The following TNR variants were observed in gnomAD, a reference collection of about 807,000 sequenced individuals.
The protein encoded by TNR is tenascin R.
Under a neutral mutation model 150.4 loss-of-function variants are expected in TNR, and 45 were observed. The ratio of observed to expected loss-of-function variants is 0.30; its 90% CI spans 0.24 to 0.38. The LOEUF is 0.38. Ranked by LOEUF, TNR falls within the 10% of genes least tolerant of loss-of-function variation. TNR has a pLI of 1.00. For missense variants in TNR, 1,544 were observed against 1,759.1 expected (o/e 0.88, Z 2.19); for synonymous variants, 687 against 678.4 (o/e 1.01, Z -0.20).
intron 12 of TNR, among the ~76,000 whole-genome samples, 153 bp from the exon 13 acceptor site, chr1:175,363,980 G>A (rs868380116): frequency 9.2e-5 from 14 of 152,150 alleles, no homozygotes; most frequent in African/African-American, 2.7e-4. Flanking sequence ...CCATGGTCAC[G>A]CTGATGTTTC....
rs755976915 is a variant in TNR, at chr1:175,330,098, T to G, written c.3769A>C (p.Ile1257Leu). 26 of 1,602,324 alleles carry G rather than the reference T, an allele frequency of 1.6e-5. No homozygotes were observed. The East Asian group carries it at 5.8e-4, about 36-fold the overall frequency. ...EDSRNLYKLR[I>L]GSYNGTAGDS... ...CCCGCAGTGCCGTTGTAGCTTCCTA[T>G]GCGGAGTTTGTACAGGTTTCTGCTG... Residue 1257 changes from isoleucine to leucine, a missense_variant, in exon 21 of 23, where the codon ATA becomes CTA. Coordinates refer to ENST00000367674, the MANE Select transcript of TNR (RefSeq NM_003285.3).
At chr1:175,530,776 A>G (rs1219924428) in intron 1 of TNR, among the ~76,000 whole-genome samples, 4 of 150,882 alleles carry the variant, frequency 2.7e-5, no homozygotes, top group Non-Finnish European at 5.9e-5. Flanking sequence ...TCCCTGAACT[A>G]TCCACATTAC....
At chr1:175,603,446 A>T (rs1305393302) in intron 1 of TNR, among the ~76,000 whole-genome samples, 1 of 152,230 alleles carries the variant, frequency 6.6e-6, no homozygotes, top group African/African-American at 2.4e-5. Flanking sequence ...TTGCGAGGGG[A>T]CTAATCCTTC....
Position 175,726,160 on chromosome 1 carries a change from A to C in TNR, c.-165+17066T>G, listed in dbSNP as rs147854779. 8.5e-5 allele frequency among the ~76,000 whole-genome samples: 13 copies of C among 152,324 alleles called. No homozygotes were observed. The East Asian group carries it at 2.5e-3, about 29-fold the overall frequency. ...GTTATTAGTGCTATTGGGTATGCTA[A>C]AGTACCAGTCCTCAAGAACATCTCA... On this transcript the variant is annotated intron_variant, in intron 1 of 22. Coordinates refer to ENST00000367674, the MANE Select transcript of TNR (RefSeq NM_003285.3).
chr1:175,518,836 C>T (rs533700344), intron 2 of TNR, among the ~76,000 whole-genome samples: 2 of 152,160 alleles, frequency 1.3e-5, no homozygotes, highest in African/African-American at 4.8e-5. Flanking sequence ...ATTACAGGTC[C>T]ATTATCTTTA....
intron 1 of TNR, among the ~76,000 whole-genome samples, chr1:175,720,378 C>T (rs1398673649): frequency 6.6e-6 from 1 of 152,178 alleles, no homozygotes; most frequent in Non-Finnish European, 1.5e-5. Flanking sequence ...AACATCTAGT[C>T]TCTAGTACTG....
At chr1:175,591,391 C>T (rs1004866403) in intron 1 of TNR, among the ~76,000 whole-genome samples, 1 of 152,202 alleles carries the variant, frequency 6.6e-6, no homozygotes, top group Non-Finnish European at 1.5e-5. Context: ...GAGACCCTGG[C>T]ACTTCAAACC....
At chr1:175,353,935 T>C (rs1387430326) in intron 18 of TNR, among the ~76,000 whole-genome samples, 1 of 152,008 alleles carries the variant, frequency 6.6e-6, no homozygotes, top group Admixed American at 6.6e-5. Flanking sequence ...AACCTCTGCT[T>C]CCTAGGTTCA....
intron 1 of TNR, among the ~76,000 whole-genome samples, chr1:175,576,461 T>A (rs1220029422): frequency 6.6e-6 from 1 of 152,148 alleles, no homozygotes; most frequent in East Asian, 1.9e-4. Flanking sequence ...GCACAGGCCA[T>A]CATGATTACC....
At chr1:175,741,868 C>T (rs1667939672) in intron 1 of TNR, among the ~76,000 whole-genome samples, 1 of 152,052 alleles carries the variant, frequency 6.6e-6, no homozygotes, top group Admixed American at 6.5e-5. Flanking sequence ...AGAGTGAAAC[C>T]ACCCCACCTT....
intron 1 of TNR, among the ~76,000 whole-genome samples, chr1:175,685,105 C>T (rs567314665): frequency 1.3e-5 from 2 of 152,290 alleles, no homozygotes; most frequent in East Asian, 3.9e-4. Context: ...TTCTGGATAG[C>T]CCTTCTCCCT....
Position 175,393,763 on chromosome 1 carries a change from T to C in TNR, c.1356+17A>G. 1 of 1,587,404 alleles carries C rather than the reference T, an allele frequency of 6.3e-7. No individual in the cohort carries two copies. The highest frequency in any genetic ancestry group is 8.7e-7 in the Non-Finnish European group (1 of 1,155,592). ...TTCCAAATAAGTCTGTTTGGCAGTG[T>C]AACAGGTGAGTGTTACCTTTGGAAT... On this transcript the variant is annotated intron_variant, in intron 6 of 22. Coordinates refer to ENST00000367674, the MANE Select transcript of TNR (RefSeq NM_003285.3).
At chr1:175,710,421 G>A (rs1292979849) in intron 1 of TNR, among the ~76,000 whole-genome samples, 3 of 152,064 alleles carry the variant, frequency 2.0e-5, no homozygotes, top group Non-Finnish European at 4.4e-5. Flanking sequence ...TCTCCCAGGG[G>A]AGCTTCTAAA....
intron 1 of TNR, among the ~76,000 whole-genome samples, chr1:175,546,290 A>G (rs1306529516): frequency 6.6e-6 from 1 of 152,208 alleles, no homozygotes; most frequent in Non-Finnish European, 1.5e-5. Context: ...GTAATGGGCA[A>G]CTTGGACATA....
chr1:175,663,834 G>A (rs574899847), intron 1 of TNR, among the ~76,000 whole-genome samples: 1 of 152,330 alleles, frequency 6.6e-6, no homozygotes, highest in East Asian at 1.9e-4. Flanking sequence ...GAGAGTCCAA[G>A]GGCATCATAT....
Position 175,380,458 on chromosome 1 carries a change from C to T in TNR, c.1778-721G>A, listed in dbSNP as rs1002929193. On this transcript the variant is annotated intron_variant, in intron 8 of 22. Coordinates refer to ENST00000367674, the MANE Select transcript of TNR (RefSeq NM_003285.3). ...AGGTGCCCAGCGCCTGTAGTCTCAG[C>T]TACTTGGGAGGCTGAGGCAGGAGAA... Among the ~76,000 whole-genome samples the T allele has an allele frequency of 2.6e-5, 4 of 151,946 alleles. No individual in the cohort carries two copies. In the South Asian group the frequency reaches 8.3e-4, roughly 32 times the overall value.
At chr1:175,691,821 A>G (rs751538153) in intron 1 of TNR, among the ~76,000 whole-genome samples, 2 of 152,120 alleles carry the variant, frequency 1.3e-5, no homozygotes, top group African/African-American at 2.4e-5. Flanking sequence ...TGCCAAAACC[A>G]TCGTGTGATA....
intron 2 of TNR, among the ~76,000 whole-genome samples, chr1:175,448,241 G>A (rs1392965864): frequency 6.6e-6 from 1 of 151,822 alleles, no homozygotes; most frequent in African/African-American, 2.4e-5. Flanking sequence ...TTTTTGAGAT[G>A]GAGTCTTGCT....
In TNR at chr1:175,324,412, T is replaced by C; in HGVS notation, c.3901A>G (p.Lys1301Glu). ...TTGAGGTTGGTCCGGTGGCAGTTCT[T>C]ATACCACCATGCTCCCTTGTACGAC... ...AMSYKGAWWY[K>E]NCHRTNLNGK... Residue 1301 changes from lysine (K) to glutamate (E), a missense_variant, in exon 22 of 23, where the codon AAG (lysine) becomes GAG (glutamate). Lys to Glu is a moderately conservative substitution (Grantham distance 56). This residue lies in a region of TNR where 290 missense variants were observed against 429.7 expected (regional missense o/e 0.67). Coordinates refer to ENST00000367674, the MANE Select transcript of TNR (RefSeq NM_003285.3). 1.2e-6 allele frequency: 2 copies of C among 1,614,168 alleles called. No homozygotes were observed. Among genetic ancestry groups the C allele is most frequent in the Non-Finnish European group, 1.7e-6 (2 of 1,180,018 alleles).
Sources: allele counts gnomAD v4.1 joint callset (sites outside exome capture counted in the v4.1 genomes callset), GRCh38; gene constraint gnomAD v4.1.1; regional missense constraint gnomAD v4.1.1; transcripts MANE v1.5; gene names NCBI Gene and HGNC (gene_info 2026-07-23, HGNC 2026-07-21).